The following ANKRD11 variants were observed in gnomAD, a reference collection of about 807,000 sequenced individuals.
ANKRD11 encodes ankyrin repeat domain 11.
Under a neutral mutation model 195.7 loss-of-function variants are expected in ANKRD11, and 17 were observed. The observed-to-expected ratio is 0.09, with a 90% CI of 0.06 to 0.13. The LOEUF (loss-of-function observed/expected upper bound fraction) is 0.13. Among genes scored for constraint, ANKRD11 ranks in the 10% least tolerant of loss-of-function variants. ANKRD11 has a pLI of 1.00. For synonymous variants in ANKRD11, 1,953 were observed against 1,528.1 expected (o/e 1.28, Z -6.49); for missense variants, 3,735 against 3,566.1 (o/e 1.05, Z -1.21).
At chr16:89,310,020 A>G (rs1184765466) in intron 3 of ANKRD11, among the ~76,000 whole-genome samples, 1 of 152,222 alleles carries the variant, frequency 6.6e-6, no homozygotes, top group African/African-American at 2.4e-5. Flanking sequence ...TGGGAAGCAC[A>G]CACAGAGGAA....
At chr16:89,351,173 G>A (rs1294494895) in intron 2 of ANKRD11, among the ~76,000 whole-genome samples, 4 of 152,242 alleles carry the variant, frequency 2.6e-5, no homozygotes, top group Admixed American at 2.0e-4. Context: ...GAGCACTGTT[G>A]TGAAGAAAAG....
intron 2 of ANKRD11, among the ~76,000 whole-genome samples, chr16:89,329,209 G>A (rs1056439646): frequency 2.6e-5 from 4 of 152,226 alleles, no homozygotes; most frequent in Non-Finnish European, 2.9e-5. Flanking sequence ...CATGTCTGTC[G>A]GTGGCTGTCG....
chr16:89,338,087 AG>A (rs1050206049), intron 2 of ANKRD11, among the ~76,000 whole-genome samples: 7 of 152,138 alleles, frequency 4.6e-5, no homozygotes, highest in African/African-American at 1.7e-4. Context: ...CAGGAGCCCC[AG>A]GGGCCCCCAC....
chr16:89,430,040 T>C (rs1368120451), intron 1 of ANKRD11, among the ~76,000 whole-genome samples: 1 of 130,882 alleles, frequency 7.6e-6, no homozygotes, highest in Non-Finnish European at 1.6e-5. Flanking sequence ...TCAGTCGTTC[T>C]AGTACACAGC....
intron 11 of ANKRD11, chr16:89,273,073 A>G (rs3114852): frequency 6.6e-6 from 1 of 150,946 alleles, no homozygotes; most frequent in Non-Finnish European, 1.5e-5. Flanking sequence ...AAGAATGGAT[A>G]AGACCTACTA....
At chr16:89,484,863 G>A (rs1384693706) in intron 1 of ANKRD11, among the ~76,000 whole-genome samples, 2 of 152,100 alleles carry the variant, frequency 1.3e-5, no homozygotes, top group African/African-American at 2.4e-5. Flanking sequence ...TGCTTTACAC[G>A]TGGAAAAAAG....
intron 7 of ANKRD11, 60 bp from the exon 8 acceptor site, chr16:89,286,246 C>A (rs915730362): frequency 6.3e-7 from 1 of 1,599,026 alleles, no homozygotes; most frequent in Non-Finnish European, 8.5e-7. Context: ...CTCTACCGTT[C>A]CGCATAACAC....
At chr16:89,322,484 G>A (rs1789581877) in intron 2 of ANKRD11, among the ~76,000 whole-genome samples, 1 of 152,198 alleles carries the variant, frequency 6.6e-6, no homozygotes, top group South Asian at 2.1e-4. Context: ...CTCCCCTCAC[G>A]CAGGCACGTG....
At chr16:89,348,307 C>T (rs936861357) in intron 2 of ANKRD11, among the ~76,000 whole-genome samples, 24 of 152,178 alleles carry the variant, frequency 1.6e-4, no homozygotes, top group African/African-American at 5.8e-4. Flanking sequence ...ATATGGTACA[C>T]TACATTGATT....
At chr16:89,447,070 T>G (rs949047915) in intron 1 of ANKRD11, among the ~76,000 whole-genome samples, 1 of 151,826 alleles carries the variant, frequency 6.6e-6, no homozygotes, top group Non-Finnish European at 1.5e-5. Context: ...ACGAAGACAC[T>G]GCATGAAAGC....
At chr16:89,384,879 C>CTTTTTCTTTTTTTTT (rs2040833636) in intron 2 of ANKRD11, among the ~76,000 whole-genome samples, 2 of 49,910 alleles carry the variant, frequency 4.0e-5, no homozygotes, top group African/African-American at 1.6e-4. Context: ...AAATAGTTTT[C>CTTTTTCTTTTTTTTT]TTTTTTTTTT....
At chr16:89,488,077 T>C (rs879402789) in intron 1 of ANKRD11, among the ~76,000 whole-genome samples, 7 of 152,044 alleles carry the variant, frequency 4.6e-5, no homozygotes, top group Non-Finnish European at 1.0e-4. Flanking sequence ...GTTTTAAAGG[T>C]GACACCTTTA....
intron 2 of ANKRD11, among the ~76,000 whole-genome samples, chr16:89,379,085 G>A (rs76728218): frequency 0.021 from 3,177 of 152,308 alleles, 126 homozygotes; most frequent in African/African-American, 0.073. Context: ...TGCCCAGAAC[G>A]TCGGCAGTGC....
chr16:89,443,055 C>T (rs1310735825), intron 1 of ANKRD11, among the ~76,000 whole-genome samples: 5 of 152,116 alleles, frequency 3.3e-5, no homozygotes, highest in Non-Finnish European at 5.9e-5. Flanking sequence ...TGCAATGGTG[C>T]AATCTTGGCT....
chr16:89,423,970 G>A (rs927833574), intron 1 of ANKRD11, among the ~76,000 whole-genome samples: 10 of 152,128 alleles, frequency 6.6e-5, no homozygotes, highest in Non-Finnish European at 2.9e-5. Context: ...TTGTAAGCGG[G>A]TAAGGGGACG....
chr16:89,474,394 A>G (rs994361551), intron 1 of ANKRD11, among the ~76,000 whole-genome samples: 1 of 151,960 alleles, frequency 6.6e-6, no homozygotes, highest in Non-Finnish European at 1.5e-5. Flanking sequence ...AGGTGGAAGG[A>G]ATGACTGAGC....
In ANKRD11 at chr16:89,490,526, C is replaced by A. The variant is rs1339924670; in HGVS notation, c.-426G>T. The A allele has an allele frequency of 1.7e-5, 8 of 471,392 alleles. No individual in the cohort carries two copies. Among genetic ancestry groups the A allele is most frequent in the Non-Finnish European group, 3.0e-5 (8 of 262,588 alleles). The allele number at this position is 471,392 out of a possible 1,614,324, so 29.2% of individuals were successfully genotyped here. A position where few individuals can be genotyped will look rare whatever the true frequency, so the allele number is the denominator to read the frequency against. ...GCGGCGGCGCCTCCCCGGCTGGGGC[C>A]CTCGGTCCATCGCGCACCGTCTCAG... On this transcript the variant is annotated 5_prime_UTR_variant, in exon 1 of 13. Transcript: ENST00000301030.
In ANKRD11 at chr16:89,346,437, G is replaced by C. The variant is rs183536736; in HGVS notation, c.-59-29359C>G. ...TATAAAATCATCCAATAATCACATA[G>C]AAAATAACACAATAATCACGCAATC... On this transcript the variant is annotated intron_variant, in intron 2 of 12. Coordinates refer to ENST00000301030, the MANE Select transcript of ANKRD11 (RefSeq NM_013275.6). Among the ~76,000 whole-genome samples, 192 of 152,196 alleles carry C rather than the reference G, an allele frequency of 1.3e-3. 1 individual carries two copies. The highest frequency in any genetic ancestry group is 4.5e-3 in the African/African-American group (185 of 41,526).
chr16:89,384,879 C>CTTTTTTTTTTTTTTTTTTTTTTTTTTT lies in ANKRD11; in HGVS notation c.-60+33378_-60+33404dup, dbSNP rs869271846. ...GGAGCACACAATGAGAAATAGTTTT[C>CTTTTTTTTTTTTTTTTTTTTTTTTTTT]TTTTTTTTTTTTTTTTTTTTTTTTT... is the stretch of plus-strand genomic sequence containing the variant. On this transcript the variant is annotated intron_variant, in intron 2 of 12. Coordinates refer to ENST00000301030, the MANE Select transcript of ANKRD11 (RefSeq NM_013275.6). Among the ~76,000 whole-genome samples, 26 of 49,940 alleles carry CTTTTTTTTTTTTTTTTTTTTTTTTTTT rather than the reference C, an allele frequency of 5.2e-4. 2 individuals carry two copies. Among genetic ancestry groups the CTTTTTTTTTTTTTTTTTTTTTTTTTTT allele is most frequent in the East Asian group, 6.7e-4 (1 of 1,482 alleles). The allele number at this position is 49,940 out of a possible 152,430, so 32.8% of individuals were successfully genotyped here.
Sources: gnomAD v4.1 joint callset for allele counts (sites outside exome capture counted in the v4.1 genomes callset) on GRCh38, gnomAD v4.1.1 for gene constraint, MANE v1.5 for transcripts, NCBI Gene and HGNC (gene_info 2026-07-23, HGNC 2026-07-21) for gene names.